NTNG2: variants seen among roughly 807,000 people sequenced by gnomAD.
NTNG2 encodes the protein netrin G2.
A neutral mutation model predicts 47.6 loss-of-function variants in NTNG2; 15 were observed. The ratio of observed to expected loss-of-function variants is 0.32; its 90% CI spans 0.21 to 0.49. The LOEUF (loss-of-function observed/expected upper bound fraction) is 0.49, where lower values mean the gene tolerates loss of function less well. Among genes scored for constraint, NTNG2 ranks in the 20% least tolerant of loss-of-function variants. The pLI, the probability that NTNG2 is intolerant of heterozygous loss-of-function variation, is 0.99. For synonymous variants in NTNG2, 307 were observed against 324.6 expected (o/e 0.95, Z 0.58); for missense variants, 578 against 764.6 (o/e 0.76, Z 2.88).
chr9:132,221,465 G>A lies in NTNG2; in HGVS notation c.858-5384G>A, dbSNP rs959163949. Among the ~76,000 whole-genome samples, 4 of 152,142 alleles carry A rather than the reference G, an allele frequency of 2.6e-5. No homozygotes were observed. Among genetic ancestry groups the A allele is most frequent in the Admixed American group, 6.5e-5 (1 of 15,282 alleles). On this transcript the variant is annotated intron_variant, in intron 3 of 7. Transcript: ENST00000393229. The surrounding 1 kb of genome is among the most constrained non-coding windows in gnomAD (Gnocchi z 4.2). ...CACAGTGACCTGCAAAAGTCAGAGA[G>A]ACCAGAAGCACCTGCATTGACCAGG...
chr9:132,193,598 G>A (rs554617670), intron 2 of NTNG2, among the ~76,000 whole-genome samples: 10 of 152,126 alleles, frequency 6.6e-5, no homozygotes, highest in South Asian at 4.1e-4. Context: ...TGGTGCCAGC[G>A]TACTGAGAAA....
chr9:132,177,573 T>C (rs1298200883), intron 2 of NTNG2, among the ~76,000 whole-genome samples: 1 of 152,238 alleles, frequency 6.6e-6, no homozygotes, highest in African/African-American at 2.4e-5. Context: ...CCCCACTAAA[T>C]GTTCTTGGCA....
intron 5 of NTNG2, among the ~76,000 whole-genome samples, chr9:132,237,554 C>T (rs1184970348): frequency 1.3e-5 from 2 of 152,186 alleles, no homozygotes; most frequent in African/African-American, 4.8e-5. Flanking sequence ...CCCATCAGCC[C>T]TCCCTGACAC....
chr9:132,181,100 T>C (rs372561542), intron 2 of NTNG2, among the ~76,000 whole-genome samples: 1 of 152,140 alleles, frequency 6.6e-6, no homozygotes, highest in South Asian at 2.1e-4. Flanking sequence ...TCTCTTTTTT[T>C]TGAGACAGGG....
rs1245775703 is a variant in NTNG2 at position 132,243,195 on chromosome 9, T to A, written c.*1084T>A. Reference sequence around the variant, plus strand: ...ATCCAATGCTCTGATTTATACTGTGTCTCGGTGGCCACCTCCGATGGATGT... The same window carrying A: ...ATCCAATGCTCTGATTTATACTGTGACTCGGTGGCCACCTCCGATGGATGT... On this transcript the variant is annotated 3_prime_UTR_variant, in exon 8 of 8. Transcript: ENST00000393229. The A allele has an allele frequency of 6.6e-6, 1 of 152,226 alleles. No homozygotes were observed. The highest frequency in any genetic ancestry group is 2.4e-5 in the African/African-American group (1 of 41,442). The allele number at this position is 152,226 out of a possible 1,614,324, so 9.4% of individuals were successfully genotyped here.
chr9:132,241,868 G>A lies in NTNG2; in HGVS notation c.1358-8G>A, dbSNP rs773028629. On this transcript the variant is annotated splice_region_variant and splice_polypyrimidine_tract_variant and intron_variant, in intron 7 of 7. Coordinates refer to ENST00000393229, the MANE Select transcript of NTNG2 (RefSeq NM_032536.4). ...ACCCCCCGTGCTGACCGCCCCCTCC[G>A]CCTGCAGCCAACGTGTGCGACGACG... 1 of 1,555,356 alleles carries A rather than the reference G, an allele frequency of 6.4e-7. No individual in the cohort carries two copies. Among genetic ancestry groups the A allele is most frequent in the Non-Finnish European group, 8.6e-7 (1 of 1,157,246 alleles).
chr9:132,218,622 G>T lies in NTNG2; in HGVS notation c.858-8227G>T, dbSNP rs1197212836. Among the ~76,000 whole-genome samples, 1 of 151,944 alleles carries T rather than the reference G, an allele frequency of 6.6e-6. No individual in the cohort carries two copies. The highest frequency in any genetic ancestry group is 2.4e-5 in the African/African-American group (1 of 41,332). ...AGCGATCCTCCTGCCTCAGCCTCCCGAGTAGCTGGGATTACAGGCGCATGC... is the reference window on the plus strand; with the variant it reads ...AGCGATCCTCCTGCCTCAGCCTCCCTAGTAGCTGGGATTACAGGCGCATGC... On this transcript the variant is annotated intron_variant, in intron 3 of 7. Coordinates refer to ENST00000393229, the MANE Select transcript of NTNG2 (RefSeq NM_032536.4). The surrounding 1 kb of genome is among the most constrained non-coding windows in gnomAD (Gnocchi z 5.4).
At chr9:132,178,848 C>T (rs1056026678) in intron 2 of NTNG2, among the ~76,000 whole-genome samples, 14 of 149,468 alleles carry the variant, frequency 9.4e-5, no homozygotes, top group Non-Finnish European at 1.8e-4. Flanking sequence ...CCCAGCTACT[C>T]GGGAGACTGA....
At chr9:132,212,580 G>A in intron 3 of NTNG2, among the ~76,000 whole-genome samples, 1 of 152,070 alleles carries the variant, frequency 6.6e-6, no homozygotes, top group East Asian at 1.9e-4. Context: ...GACCAACCCA[G>A]ACCACCCAGA....
Position 132,197,941 on chromosome 9 carries a change from T to C in NTNG2, c.214-25T>C, listed in dbSNP as rs189097898. ...CATCCCGAGCATCCAGCACCCACCCTTCCCTTCTCCTCTCCCCGCTGCAGG... is the reference window on the plus strand; with the variant it reads ...CATCCCGAGCATCCAGCACCCACCCCTCCCTTCTCCTCTCCCCGCTGCAGG... On this transcript the variant is annotated intron_variant, in intron 2 of 7. Coordinates refer to ENST00000393229, the MANE Select transcript of NTNG2 (RefSeq NM_032536.4). This position sits in a 1 kb window ranked among gnomAD's most constrained non-coding sequence, Gnocchi z 4.3. 562 of 1,591,974 alleles carry C rather than the reference T, an allele frequency of 3.5e-4. 6 individuals carry two copies. The East Asian group carries it at 0.012, about 34-fold the overall frequency.
At chr9:132,188,793 C>A (rs770734148) in intron 2 of NTNG2, among the ~76,000 whole-genome samples, 76 of 152,262 alleles carry the variant, frequency 5.0e-4, no homozygotes, top group Admixed American at 7.2e-4. Context: ...GTGCTAGTAA[C>A]CTCATTGAGC....
intron 3 of NTNG2, among the ~76,000 whole-genome samples, chr9:132,213,488 T>A (rs1363578159): frequency 4.0e-5 from 6 of 151,866 alleles, no homozygotes; most frequent in African/African-American, 1.2e-4. Context: ...CGCAGCCCCC[T>A]CCCAGGGCAG....
rs749756559 is a variant in NTNG2, at chr9:132,189,068, CTTTTTT to C, written c.214-8876_214-8871del. Reference sequence around the variant, plus strand: ...TATGTGAAAAAGGCTTTAAGCCTTTCTTTTTTTTTTTTTTTTTTTTTTTTTTTAGAC... The same window carrying C: ...TATGTGAAAAAGGCTTTAAGCCTTTCTTTTTTTTTTTTTTTTTTTTTAGAC... On this transcript the variant is annotated intron_variant, in intron 2 of 7. Transcript: ENST00000393229. Among the ~76,000 whole-genome samples the C allele has an allele frequency of 5.1e-4, 48 of 93,280 alleles. 1 individual carries two copies. Among genetic ancestry groups the C allele is most frequent in the African/African-American group, 1.6e-3 (36 of 21,986 alleles). The allele number at this position is 93,280 out of a possible 152,430, so 61.2% of individuals were successfully genotyped here.
At chr9:132,203,512 G>A (rs560607427) in intron 3 of NTNG2, among the ~76,000 whole-genome samples, 7 of 152,218 alleles carry the variant, frequency 4.6e-5, no homozygotes, top group African/African-American at 1.2e-4. Flanking sequence ...GATCTTCTGC[G>A]GTTACAAAGG....
In NTNG2 at chr9:132,193,884, G is replaced by A. The variant is rs1345012079; in HGVS notation, c.214-4082G>A. ...GTTTCTGGAGAGGCCTCTCTCCCTG[G>A]CTTGGAGCCAGCCGCCTTCTCACTG... On this transcript the variant is annotated intron_variant, in intron 2 of 7. Transcript: ENST00000393229. Among the ~76,000 whole-genome samples the A allele has an allele frequency of 5.3e-5, 8 of 152,122 alleles. No individual in the cohort carries two copies. In the East Asian group the frequency reaches 1.4e-3, roughly 26 times the overall value.
chr9:132,207,932 C>T (rs1368511777), intron 3 of NTNG2, among the ~76,000 whole-genome samples: 1 of 152,096 alleles, frequency 6.6e-6, no homozygotes, highest in South Asian at 2.1e-4. Flanking sequence ...GGTGAAACCC[C>T]ATCACGACAA....
chr9:132,229,517 C>G (rs914600208), intron 4 of NTNG2, among the ~76,000 whole-genome samples: 2 of 152,210 alleles, frequency 1.3e-5, no homozygotes, highest in East Asian at 3.9e-4. Context: ...CAGGGCCCAA[C>G]TTGGAGCCCC....
chr9:132,198,124 C>T lies in NTNG2; in HGVS notation c.372C>T (p.Thr124=), dbSNP rs142471343. Residue 124 remains threonine, a synonymous_variant, in exon 3 of 8, where the codon ACC becomes ACT. Coordinates refer to ENST00000393229, the MANE Select transcript of NTNG2 (RefSeq NM_032536.4). ...CCAGCCCGCTGGAAGCCAACATCAC[C>T]CTTTCGTGGAACAAGACCGTGGAGC... ...RYPSPLEANI[T]LSWNKTVELT... The T allele has an allele frequency of 2.8e-5, 45 of 1,613,766 alleles. No individual in the cohort carries two copies. The highest frequency in any genetic ancestry group is 3.8e-5 in the Non-Finnish European group (45 of 1,180,024).
At chr9:132,192,592 A>AAAAAC (rs922187299) in intron 2 of NTNG2, among the ~76,000 whole-genome samples, 28 of 152,306 alleles carry the variant, frequency 1.8e-4, no homozygotes, top group African/African-American at 5.8e-4. Context: ...TTCTGTCTCA[A>AAAAAC]AAAACAAAAC....
Sources: gnomAD v4.1 joint callset for allele counts (sites outside exome capture counted in the v4.1 genomes callset) on GRCh38, gnomAD v4.1.1 for gene constraint, Gnocchi (gnomAD v3.1) non-coding constraint, MANE v1.5 for transcripts, NCBI Gene and HGNC (gene_info 2026-07-23, HGNC 2026-07-21) for gene names.